CLSTN1: variants seen among roughly 807,000 people sequenced by gnomAD.
CLSTN1 encodes the protein calsyntenin 1.
In CLSTN1, 28 loss-of-function variants were observed where a neutral mutation model predicts 108.3. The observed-to-expected ratio is 0.26, with a 90% confidence interval of 0.19 to 0.35. The LOEUF (loss-of-function observed/expected upper bound fraction) is 0.35, where lower values mean the gene tolerates loss of function less well. Ranked by LOEUF, CLSTN1 falls within the 10% of genes least tolerant of loss-of-function variation. The pLI, the probability that CLSTN1 is intolerant of heterozygous loss-of-function variation, is 1.00. For missense variants in CLSTN1, 1,157 were observed against 1,302.6 expected (o/e 0.89, Z 1.72); for synonymous variants, 524 against 534.9 (o/e 0.98, Z 0.28).
At chr1:9,737,656 G>T in intron 10 of CLSTN1, 102 bp from the exon 11 acceptor site, 1 of 1,017,962 alleles carries the variant, frequency 9.8e-7, no homozygotes, top group Non-Finnish European at 1.5e-6. Context: ...TATAAAACAT[G>T]AAGAGAAAAT....
At chr1:9,750,926 G>A (rs942051023) in intron 5 of CLSTN1, among the ~76,000 whole-genome samples, 4 of 151,814 alleles carry the variant, frequency 2.6e-5, no homozygotes, top group Non-Finnish European at 5.9e-5. Context: ...TTAGCTGGGC[G>A]TGGTGGTGGG....
At chr1:9,793,973 T>G (rs987157191) in intron 1 of CLSTN1, among the ~76,000 whole-genome samples, 4 of 151,412 alleles carry the variant, frequency 2.6e-5, no homozygotes, top group Non-Finnish European at 5.9e-5. Context: ...TCATTCGCAT[T>G]GGGTTAGAAC....
At chr1:9,808,498 C>G (rs1326188967) in intron 1 of CLSTN1, among the ~76,000 whole-genome samples, 1 of 152,152 alleles carries the variant, frequency 6.6e-6, no homozygotes, top group Non-Finnish European at 1.5e-5. Flanking sequence ...AACTCCAAAC[C>G]GATCAATATG....
chr1:9,744,432 C>G lies in CLSTN1; in HGVS notation c.1197G>C (p.Arg399Ser). 2 of 1,610,590 alleles carry G rather than the reference C, an allele frequency of 1.2e-6. No individual in the cohort carries two copies. Among genetic ancestry groups the G allele is most frequent in the Non-Finnish European group, 1.7e-6 (2 of 1,179,972 alleles). ...SVWMRHGPFGRKKETILCSSD... is the reference protein window; with the variant it reads ...SVWMRHGPFGSKKETILCSSD... ...AACTGCAAAGAATTGTCTCCTTCTT[C>G]CTGCCGAATGGCCCATGTCTCATCC... The change falls in exon 8 of 19, where the codon AGG becomes AGC. Residue 399 changes from arginine (R) to serine (S), a missense_variant. Arg to Ser is a moderately radical substitution (Grantham distance 110). Coordinates refer to ENST00000377298, the MANE Select transcript of CLSTN1 (RefSeq NM_001009566.3).
Position 9,744,389 on chromosome 1 carries a change from C to G in CLSTN1, c.1234+6G>C, listed in dbSNP as rs369113461. On this transcript the variant is annotated splice_donor_region_variant and intron_variant, in intron 8 of 18. Transcript: ENST00000377298. ...CCTGGCATCGCTTGCAGAGCTATTA[C>G]CCTACCTGTTTTATCAGAACTGCAA... 7.3e-4 allele frequency: 1,177 copies of G among 1,605,852 alleles called. 14 individuals are homozygous for G. The South Asian group carries it at 9.2e-3, about 13-fold the overall frequency.
chr1:9,808,471 AT>A (rs771332420), intron 1 of CLSTN1, among the ~76,000 whole-genome samples: 5 of 152,196 alleles, frequency 3.3e-5, no homozygotes, highest in Non-Finnish European at 7.3e-5. Flanking sequence ...GGAAGATACA[AT>A]TTGGGTTCCA....
intron 2 of CLSTN1, among the ~76,000 whole-genome samples, chr1:9,759,400 C>A (rs12749681): frequency 6.6e-6 from 1 of 152,134 alleles, no homozygotes; most frequent in African/African-American, 2.4e-5. Flanking sequence ...CTCAGCCTCC[C>A]GAGTAGCTGG....
In CLSTN1 at chr1:9,734,874, G is replaced by GC; in HGVS notation, c.2110+73dup. 1 of 1,255,174 alleles carries GC rather than the reference G, an allele frequency of 8.0e-7. No individual in the cohort carries two copies. The highest frequency in any genetic ancestry group is 1.2e-6 in the Non-Finnish European group (1 of 861,632). The allele number at this position is 1,255,174 out of a possible 1,614,324, so 77.8% of individuals were successfully genotyped here. On this transcript the variant is annotated intron_variant, in intron 14 of 18. Coordinates refer to ENST00000377298, the MANE Select transcript of CLSTN1 (RefSeq NM_001009566.3). The surrounding 1 kb of genome is among the most constrained non-coding windows in gnomAD (Gnocchi z 4.8). ...TCCCCAAATCCCACAGAGACAAAGA[G>GC]CCCCGCCAAGTACATGGGGACAATG...
At chr1:9,754,228 T>C (rs1334158576) in intron 4 of CLSTN1, among the ~76,000 whole-genome samples, 1 of 152,228 alleles carries the variant, frequency 6.6e-6, no homozygotes, top group Non-Finnish European at 1.5e-5. Context: ...ACTTCTTTAA[T>C]AGAGTATTTG....
chr1:9,773,260 C>G lies in CLSTN1; in HGVS notation c.214+12G>C. ...CCGATTCATCAAGAGTCAATGAAAG[C>G]CCCGTTCCTACCTGCAAATCGCAGA... On this transcript the variant is annotated intron_variant, in intron 2 of 18. Coordinates refer to ENST00000377298, the MANE Select transcript of CLSTN1 (RefSeq NM_001009566.3). 1 of 1,613,720 alleles carries G rather than the reference C, an allele frequency of 6.2e-7. No homozygotes were observed. Among genetic ancestry groups the G allele is most frequent in the Non-Finnish European group, 8.5e-7 (1 of 1,179,784 alleles).
intron 1 of CLSTN1, among the ~76,000 whole-genome samples, chr1:9,784,611 C>T (rs1653397555): frequency 6.6e-6 from 1 of 152,186 alleles, no homozygotes; most frequent in Non-Finnish European, 1.5e-5. Flanking sequence ...CTAAATATTG[C>T]AAGAGACTGT....
intron 1 of CLSTN1, chr1:9,780,984 T>C (rs997390244): frequency 6.4e-6 from 3 of 471,716 alleles, no homozygotes; most frequent in South Asian, 5.9e-5. Flanking sequence ...CACTGTGGTG[T>C]CATGTCGGTG....
At chr1:9,731,703 T>TG in intron 17 of CLSTN1, 58 bp downstream of exon 17, 1 of 1,561,964 alleles carries the variant, frequency 6.4e-7, no homozygotes, top group Non-Finnish European at 8.8e-7. Flanking sequence ...CACGGTGGGG[T>TG]GGGGGCAGGG....
intron 1 of CLSTN1, among the ~76,000 whole-genome samples, chr1:9,779,791 A>G (rs943895934): frequency 6.6e-6 from 1 of 152,116 alleles, no homozygotes; most frequent in African/African-American, 2.4e-5. Context: ...TTACAGATGT[A>G]AGATAGGCCA....
chr1:9,741,772 T>C (rs1245050377), intron 9 of CLSTN1, among the ~76,000 whole-genome samples: 3 of 151,968 alleles, frequency 2.0e-5, no homozygotes. Flanking sequence ...ATTAGCCGGG[T>C]GTGGTGGTGC....
At chr1:9,761,662 C>G (rs1375875693) in intron 2 of CLSTN1, among the ~76,000 whole-genome samples, 1 of 152,124 alleles carries the variant, frequency 6.6e-6, no homozygotes, top group East Asian at 1.9e-4. Flanking sequence ...CTCATCTGTG[C>G]CTTTGACAAA....
chr1:9,740,702 A>C (rs1167501734), intron 10 of CLSTN1, among the ~76,000 whole-genome samples: 4 of 152,204 alleles, frequency 2.6e-5, no homozygotes, highest in Admixed American at 2.6e-4. Context: ...CTCCAGGTCC[A>C]AGGCGCACTT....
intron 15 of CLSTN1, 111 bp downstream of exon 15, chr1:9,733,861 T>A (rs979859911): frequency 6.0e-6 from 7 of 1,167,004 alleles, no homozygotes; most frequent in Non-Finnish European, 8.5e-6. Flanking sequence ...CTTCCCCATC[T>A]CCCTCTAAGA....
intron 15 of CLSTN1, 103 bp from the exon 16 acceptor site, chr1:9,733,649 A>G: frequency 1.5e-6 from 2 of 1,379,146 alleles, no homozygotes. Context: ...CACCCAGGTT[A>G]GCTAGGCCAA....
Sources: allele counts gnomAD v4.1 joint callset (sites outside exome capture counted in the v4.1 genomes callset), GRCh38; gene constraint gnomAD v4.1.1; non-coding constraint Gnocchi (gnomAD v3.1); transcripts MANE v1.5; gene names NCBI Gene and HGNC (gene_info 2026-07-23, HGNC 2026-07-21).